Variants in PIP5K1B observed in about 807,000 individuals in gnomAD.
PIP5K1B encodes phosphatidylinositol-4-phosphate 5-kinase type 1 beta, also known as phosphatidylinositol 4-phosphate 5-kinase type-1 beta.
In PIP5K1B, 42 loss-of-function variants were observed where a neutral mutation model predicts 67.0. That is an observed-to-expected ratio of 0.63 (90% CI 0.49 to 0.81). The LOEUF (loss-of-function observed/expected upper bound fraction) is 0.81. Among genes scored for constraint, PIP5K1B ranks in the 30% least tolerant of loss-of-function variants. The pLI, the probability that PIP5K1B is intolerant of heterozygous loss-of-function variation, is 0.00. For missense variants in PIP5K1B, 459 were observed against 646.3 expected, an observed-to-expected ratio of 0.71 and a Z score of 3.14; for synonymous variants, 214 against 231.4, an observed-to-expected ratio of 0.92 and a Z score of 0.68.
At chr9:68,712,474 C>G (rs1251539988) in intron 1 of PIP5K1B, among the ~76,000 whole-genome samples, 1 of 152,188 alleles carries the variant, frequency 6.6e-6, no homozygotes, top group Admixed American at 6.5e-5. Context: ...CACATTCAAC[C>G]CAAGATTATA....
At chr9:68,906,586 T>C (rs909262728) in intron 8 of PIP5K1B, among the ~76,000 whole-genome samples, 7 of 152,234 alleles carry the variant, frequency 4.6e-5, no homozygotes, top group Admixed American at 1.3e-4. Flanking sequence ...ACAGATCAAT[T>C]GTCCATAGCT....
chr9:68,832,936 A>G (rs1008458792), intron 4 of PIP5K1B, among the ~76,000 whole-genome samples: 1 of 152,210 alleles, frequency 6.6e-6, no homozygotes, highest in Non-Finnish European at 1.5e-5. Flanking sequence ...AAGTTTTCAT[A>G]TTGTGACCTT....
intron 14 of PIP5K1B, among the ~76,000 whole-genome samples, chr9:68,974,000 C>T (rs1241491055): frequency 6.6e-6 from 1 of 152,180 alleles, no homozygotes. Flanking sequence ...ACCTCAGCTT[C>T]CCAAGTAGCT....
At position 68,920,359 on chromosome 9, in the gene PIP5K1B, C is replaced by CTTTTTTTTTTTTTTT. The variant is rs5898051; in HGVS notation, c.1116+642_1116+656dup. Among the ~76,000 whole-genome samples, 370 of 98,366 alleles carry CTTTTTTTTTTTTTTT rather than the reference C, an allele frequency of 3.8e-3. 106 individuals carry two copies. Among genetic ancestry groups the CTTTTTTTTTTTTTTT allele is most frequent in the African/African-American group, 0.012 (343 of 27,484 alleles). 64.5% of individuals were successfully genotyped at this position (98,366 alleles called of 152,430 possible). A position where few individuals can be genotyped will look rare whatever the true frequency, so the allele number is the denominator to read the frequency against. On this transcript the variant is annotated intron_variant, in intron 11 of 15. Coordinates refer to ENST00000265382, the MANE Select transcript of PIP5K1B (RefSeq NM_003558.4). ...ATACATGCTGGCTGCCTGAGGTTGT[C>CTTTTTTTTTTTTTTT]TTTTTTTTTTTTTTTTTTTTTTTTT...
chr9:69,001,194 A>C, intron 15 of PIP5K1B, among the ~76,000 whole-genome samples: 1 of 151,902 alleles, frequency 6.6e-6, no homozygotes. Flanking sequence ...GGTGTGAGCC[A>C]CCACACCCAG....
intron 14 of PIP5K1B, among the ~76,000 whole-genome samples, chr9:68,943,214 C>T (rs907860548): frequency 6.6e-6 from 1 of 152,222 alleles, no homozygotes; most frequent in Non-Finnish European, 1.5e-5. Context: ...GAGGGGAAAA[C>T]CTGAGACCAC....
intron 4 of PIP5K1B, among the ~76,000 whole-genome samples, chr9:68,847,411 TTTTGTGTGTGTGTGTG>T (rs1822247369): frequency 1.2e-5 from 1 of 83,844 alleles, no homozygotes; most frequent in African/African-American, 4.5e-5. Context: ...ACAGCAGTGG[TTTTGTGTGTGTGTGTG>T]TGTGTGTGTG....
chr9:69,008,365 G>A lies in PIP5K1B; in HGVS notation c.1621-82G>A, dbSNP rs193238981. The A allele has an allele frequency of 5.2e-4, 656 of 1,257,222 alleles. 1 individual carries two copies. The East Asian group carries it at 8.3e-3, about 16-fold the overall frequency. 77.9% of individuals were successfully genotyped at this position (1,257,222 alleles called of 1,614,324 possible). A position where few individuals can be genotyped will look rare whatever the true frequency, so the allele number is the denominator to read the frequency against. ...GACACAAGTGATTGGGAGAAATAAC[G>A]AACTTATGTTGCGACTCATGGGGAG... On this transcript the variant is annotated intron_variant, in intron 15 of 15. Transcript: ENST00000265382.
chr9:68,952,858 T>C (rs1828162815), intron 14 of PIP5K1B, among the ~76,000 whole-genome samples: 1 of 151,458 alleles, frequency 6.6e-6, no homozygotes, highest in South Asian at 2.1e-4. Flanking sequence ...TTCCTTCCTT[T>C]CTTTCTTTCT....
At chr9:68,987,656 G>A (rs148500289) in intron 14 of PIP5K1B, among the ~76,000 whole-genome samples, 12 of 152,258 alleles carry the variant, frequency 7.9e-5, no homozygotes, top group African/African-American at 2.4e-4. Flanking sequence ...AGACATACCC[G>A]AGACTGGGAA....
chr9:68,881,136 C>G (rs1206268648), intron 6 of PIP5K1B, among the ~76,000 whole-genome samples: 2 of 152,118 alleles, frequency 1.3e-5, no homozygotes, highest in African/African-American at 4.8e-5. Context: ...AGTGGTCTCC[C>G]CATCCTTCCC....
chr9:68,763,852 T>G (rs1830300264), intron 2 of PIP5K1B, among the ~76,000 whole-genome samples: 1 of 152,118 alleles, frequency 6.6e-6, no homozygotes, highest in Admixed American at 6.6e-5. Flanking sequence ...TATGTGAACA[T>G]CACATGGTTT....
chr9:68,917,317 T>C (rs565139660), intron 8 of PIP5K1B, among the ~76,000 whole-genome samples: 1 of 152,348 alleles, frequency 6.6e-6, no homozygotes, highest in South Asian at 2.1e-4. Context: ...AACATGTGCT[T>C]GTTTCAGATT....
chr9:68,968,939 G>A (rs1227768551), intron 14 of PIP5K1B, among the ~76,000 whole-genome samples: 1 of 152,062 alleles, frequency 6.6e-6, no homozygotes, highest in Non-Finnish European at 1.5e-5. Flanking sequence ...GCATTGTAAG[G>A]GAGGTTATAT....
intron 4 of PIP5K1B, among the ~76,000 whole-genome samples, chr9:68,839,191 T>C (rs766862184): frequency 6.6e-6 from 1 of 152,246 alleles, no homozygotes; most frequent in Non-Finnish European, 1.5e-5. Context: ...TGTTTTCCTT[T>C]TATTGAGAAT....
chr9:68,869,318 G>A (rs1162266033), intron 5 of PIP5K1B, among the ~76,000 whole-genome samples: 1 of 152,174 alleles, frequency 6.6e-6, no homozygotes, highest in East Asian at 1.9e-4. Flanking sequence ...GTGCATACAA[G>A]GGATCTAGGT....
intron 4 of PIP5K1B, among the ~76,000 whole-genome samples, chr9:68,850,735 A>C (rs1351991557): frequency 6.6e-6 from 1 of 152,236 alleles, no homozygotes; most frequent in Non-Finnish European, 1.5e-5. Flanking sequence ...TTCTAGGATG[A>C]AAAGTCAATC....
At position 68,923,304 on chromosome 9, in the gene PIP5K1B, C is replaced by T; in HGVS notation, c.1119C>T (p.Asp373=). 1 of 1,581,386 alleles carries T rather than the reference C, an allele frequency of 6.3e-7. No individual in the cohort carries two copies. The highest frequency in any genetic ancestry group is 8.7e-7 in the Non-Finnish European group (1 of 1,154,742). ...ATCCTGGGTTTTTGTCTTTTCAGGA[C>T]ACTGTTTCTGTTCATAGACCAAGCT... is the stretch of plus-strand genomic sequence containing the variant. The part of the protein sequence containing the change: ...HSWKALVYDG[D]TVSVHRPSFY... The change falls in exon 12 of 16, where the codon GAC becomes GAT. Residue 373 remains aspartate (D), a splice_region_variant and synonymous_variant. Coordinates refer to ENST00000265382, the MANE Select transcript of PIP5K1B (RefSeq NM_003558.4).
chr9:68,903,041 A>G (rs977983629), intron 8 of PIP5K1B, among the ~76,000 whole-genome samples: 3 of 152,212 alleles, frequency 2.0e-5, no homozygotes, highest in Non-Finnish European at 4.4e-5. Flanking sequence ...GTTTCTAATA[A>G]TAAGCACTCC....
Sources: gnomAD v4.1 joint callset for allele counts (sites outside exome capture counted in the v4.1 genomes callset) on GRCh38, gnomAD v4.1.1 for gene constraint, MANE v1.5 for transcripts, NCBI Gene and HGNC (gene_info 2026-07-23, HGNC 2026-07-21) for gene names.